Variants in SLPI observed in about 807,000 individuals in gnomAD.
SLPI encodes secretory leukocyte peptidase inhibitor, also known as antileukoproteinase.
A neutral mutation model predicts 14.3 loss-of-function variants in SLPI; 20 were observed. The observed-to-expected ratio is 1.40, with a 90% CI of 0.99 to 2.04. The LOEUF (loss-of-function observed/expected upper bound fraction) is 2.04, where lower values mean the gene tolerates loss of function less well. SLPI is among the 30% of genes most tolerant of loss of function. The probability of loss-of-function intolerance (pLI) is 0.00; values close to 1 mark genes in which losing one functional copy is unlikely to be tolerated. For synonymous variants in SLPI, 68 were observed against 54.8 expected (o/e 1.24, Z -1.07); for missense variants, 169 against 159.4 (o/e 1.06, Z -0.32).
chr20:45,253,056 C>T lies in SLPI; in HGVS notation c.340G>A (p.Asp114Asn). The T allele has an allele frequency of 6.2e-7, 1 of 1,614,200 alleles. No individual in the cohort carries two copies. The highest frequency in any genetic ancestry group is 8.5e-7 in the Non-Finnish European group (1 of 1,180,028). ...CACATGCCCATGCAACACTTCAAGT[C>T]ACGCTTGCACTGGCCATCCATCTCA... ...FCEMDGQCKRDLKCCMGMCGK... is the reference protein window; with the variant it reads ...FCEMDGQCKRNLKCCMGMCGK... Residue 114 changes from aspartate (D) to asparagine (N), a missense_variant, in exon 3 of 4, where the codon GAC becomes AAC. Asp to Asn is a conservative substitution (Grantham distance 23, BLOSUM62 1). Transcript: ENST00000338380.
At chr20:45,254,153 C>A (rs6130789) in intron 1 of SLPI, among the ~76,000 whole-genome samples, 15,896 of 148,786 alleles carry the variant, frequency 0.11, 1,213 homozygotes, top group East Asian at 0.33. Context: ...GAGTCAGAAA[C>A]TAATGATTTG....
At chr20:45,252,776 A>G (rs553162500) in intron 3 of SLPI, among the ~76,000 whole-genome samples, 1 of 152,202 alleles carries the variant, frequency 6.6e-6, no homozygotes, top group South Asian at 2.1e-4. Flanking sequence ...ACACTTGCCC[A>G]GGACCCCCAC....
intron 2 of SLPI, among the ~76,000 whole-genome samples, chr20:45,253,358 G>C (rs1045272057): frequency 1.1e-4 from 16 of 152,146 alleles, no homozygotes; most frequent in Non-Finnish European, 2.1e-4. Flanking sequence ...GATGCAGGTG[G>C]CCAGCCACCC....
In SLPI at chr20:45,252,821, GA is replaced by G. The variant is rs140101168; in HGVS notation, c.394+180del. Among the ~76,000 whole-genome samples, 8 of 152,242 alleles carry G rather than the reference GA, an allele frequency of 5.3e-5. No individual in the cohort carries two copies. In the East Asian group the frequency reaches 1.4e-3, roughly 26 times the overall value. The stretch of plus-strand genomic sequence containing the variant: ...CTAGAATAGAATCAAAGCCACAGGC[GA>G]TCCTATGGAAATCCTGGCCCTGAGA... On this transcript the variant is annotated intron_variant, in intron 3 of 3. Coordinates refer to ENST00000338380, the MANE Select transcript of SLPI (RefSeq NM_003064.4).
intron 3 of SLPI, 97 bp from the exon 4 acceptor site, chr20:45,252,516 A>G: frequency 7.7e-7 from 1 of 1,292,608 alleles, no homozygotes. Flanking sequence ...AGATAGAGAA[A>G]ATAGCAAGAT....
Position 45,253,157 on chromosome 20 carries a change from TGA to T in SLPI, c.245-8_245-7del. 6.2e-7 allele frequency: 1 copy of T among 1,613,516 alleles called. No individual in the cohort carries two copies. Among genetic ancestry groups the T allele is most frequent in the Non-Finnish European group, 8.5e-7 (1 of 1,179,678 alleles). ...CTTCCCAGGCTTCCTCCTTGCTGGG[TGA>T]GAGTGAGGCTACCGGTCAGAGGCCT... On this transcript the variant is annotated splice_region_variant and splice_polypyrimidine_tract_variant and intron_variant, in intron 2 of 3. Coordinates refer to ENST00000338380, the MANE Select transcript of SLPI (RefSeq NM_003064.4).
rs1411930344 is a variant in SLPI, at chr20:45,254,550, G to A, written c.-7C>T. 2 of 1,613,188 alleles carry A rather than the reference G, an allele frequency of 1.2e-6. No individual in the cohort carries two copies. Among genetic ancestry groups the A allele is most frequent in the Non-Finnish European group, 1.7e-6 (2 of 1,179,590 alleles). On this transcript the variant is annotated 5_prime_UTR_variant, in exon 1 of 4. Transcript: ENST00000338380. Reference sequence around the variant, plus strand: ...AGAGGCCGCTGGACTTCATGGTGAAGGCAGGAGTGACTCTGATGGCCAATG... The same window carrying A: ...AGAGGCCGCTGGACTTCATGGTGAAAGCAGGAGTGACTCTGATGGCCAATG...
chr20:45,254,361 G>T, intron 1 of SLPI, 98 bp downstream of exon 1: 1 of 990,078 alleles, frequency 1.0e-6, no homozygotes, highest in Non-Finnish European at 1.5e-6. Flanking sequence ...AAACTAAGCT[G>T]AGGGATCAGA....
In SLPI at chr20:45,253,059, G is replaced by C; in HGVS notation, c.337C>G (p.Arg113Gly). The change falls in exon 3 of 4, where the codon CGT becomes GGT. Residue 113 changes from arginine (R) to glycine (G), a missense_variant. Physicochemically the swap from Arg to Gly is moderately radical, Grantham distance 125. Transcript: ENST00000338380. ...NFCEMDGQCK[R>G]DLKCCMGMCG... Reference sequence around the variant, plus strand: ...ATGCCCATGCAACACTTCAAGTCACGCTTGCACTGGCCATCCATCTCACAG... The same window carrying C: ...ATGCCCATGCAACACTTCAAGTCACCCTTGCACTGGCCATCCATCTCACAG... 1 of 1,614,152 alleles carries C rather than the reference G, an allele frequency of 6.2e-7. No individual in the cohort carries two copies. The highest frequency in any genetic ancestry group is 8.5e-7 in the Non-Finnish European group (1 of 1,180,014).
At chr20:45,252,916 GT>G in intron 3 of SLPI, 85 bp downstream of exon 3, 1 of 1,426,162 alleles carries the variant, frequency 7.0e-7, no homozygotes, top group Middle Eastern at 2.3e-4. Context: ...GGGTTCAGGA[GT>G]CCCCCTGCCC....
chr20:45,253,145 C>T lies in SLPI; in HGVS notation c.251G>A (p.Arg84Lys), dbSNP rs1261559636. Residue 84 changes from arginine (R) to lysine (K), a missense_variant, in exon 3 of 4, where the codon AGG (arginine) becomes AAG (lysine). Physicochemically the swap from Arg to Lys is conservative, Grantham distance 26 (BLOSUM62 2). Coordinates refer to ENST00000338380, the MANE Select transcript of SLPI (RefSeq NM_003064.4). ...DPVDTPNPTR[R>K]KPGKCPVTYG... ...AGTCACTGGGCACTTCCCAGGCTTC[C>T]TCCTTGCTGGGTGAGAGTGAGGCTA... 6.2e-7 allele frequency: 1 copy of T among 1,613,854 alleles called. No homozygotes were observed. The highest frequency in any genetic ancestry group is 8.5e-7 in the Non-Finnish European group (1 of 1,179,826).
intron 3 of SLPI, 86 bp downstream of exon 3, chr20:45,252,916 G>T: frequency 2.1e-6 from 3 of 1,426,160 alleles, no homozygotes; most frequent in Admixed American, 3.6e-5. Flanking sequence ...GGGTTCAGGA[G>T]TCCCCCTGCC....
At chr20:45,252,949 G>A (rs1984703232) in intron 3 of SLPI, 53 bp downstream of exon 3, 1 of 1,586,892 alleles carries the variant, frequency 6.3e-7, no homozygotes, top group Non-Finnish European at 8.6e-7. Flanking sequence ...CCTCCAGAGG[G>A]TTGAGGCTGA....
In SLPI at chr20:45,252,375, C is replaced by A. The variant is rs1221154033; in HGVS notation, c.*40G>T. 1 of 1,611,638 alleles carries A rather than the reference C, an allele frequency of 6.2e-7. No homozygotes were observed. Among genetic ancestry groups the A allele is most frequent in the Non-Finnish European group, 8.5e-7 (1 of 1,178,424 alleles). ...CTCAGGGTGGAAAGGACCTGGACCACACAGAGCAGGACTCCAGAGCCTCCT... is the reference window on the plus strand; with the variant it reads ...CTCAGGGTGGAAAGGACCTGGACCAAACAGAGCAGGACTCCAGAGCCTCCT... On this transcript the variant is annotated 3_prime_UTR_variant, in exon 4 of 4. Transcript: ENST00000338380.
At chr20:45,253,978 C>A (rs1248531057) in intron 1 of SLPI, among the ~76,000 whole-genome samples, 2 of 152,092 alleles carry the variant, frequency 1.3e-5, no homozygotes, top group Non-Finnish European at 2.9e-5. Flanking sequence ...ACCTCCCACC[C>A]AAGAGCAAAA....
intron 3 of SLPI, 69 bp downstream of exon 3, chr20:45,252,933 C>T (rs1984702522): frequency 6.5e-7 from 1 of 1,530,848 alleles, no homozygotes; most frequent in African/African-American, 1.4e-5. Context: ...TGCCCATATG[C>T]CTGGGCCTCC....
Position 45,253,566 on chromosome 20 carries a change from C to T in SLPI, c.244+9G>A. 6.2e-7 allele frequency: 1 copy of T among 1,612,158 alleles called. No homozygotes were observed. Among genetic ancestry groups the T allele is most frequent in the South Asian group, 1.1e-5 (1 of 90,652 alleles). On this transcript the variant is annotated intron_variant, in intron 2 of 3. Coordinates refer to ENST00000338380, the MANE Select transcript of SLPI (RefSeq NM_003064.4). ...CACTCCTCTCTACCCAGTTCCCCGA[C>T]CTGCTTACTTGGGTTTGGGGTGTCA...
chr20:45,252,417 A>T lies in SLPI; in HGVS notation c.397T>A (p.Ter133ArgextTer49). ...GKSCVSPVKA[*>R] is the part of the protein sequence containing the mutation. ...GAGCCTCCTCCATATGGCAGGAATC[A>T]AGCTGTGAGAGAAAATCAGATAAGA... Residue 133 changes from the stop codon to arginine (R), a stop_lost and splice_region_variant, in exon 4 of 4, where the codon TGA becomes AGA. Coordinates refer to ENST00000338380, the MANE Select transcript of SLPI (RefSeq NM_003064.4). The T allele has an allele frequency of 6.2e-7, 1 of 1,613,874 alleles. No individual in the cohort carries two copies. Among genetic ancestry groups the T allele is most frequent in the Non-Finnish European group, 8.5e-7 (1 of 1,179,918 alleles).
chr20:45,252,736 T>C (rs1984696889), intron 3 of SLPI, among the ~76,000 whole-genome samples: 1 of 152,144 alleles, frequency 6.6e-6, no homozygotes, highest in South Asian at 2.1e-4. Flanking sequence ...TATGTACATT[T>C]TACCGATAAA....
Sources: allele counts gnomAD v4.1 joint callset (sites outside exome capture counted in the v4.1 genomes callset), GRCh38; gene constraint gnomAD v4.1.1; transcripts MANE v1.5; gene names NCBI Gene and HGNC (gene_info 2026-07-23, HGNC 2026-07-21).